DOCK11: variants seen among roughly 807,000 people sequenced by gnomAD.
The protein encoded by DOCK11 is dedicator of cytokinesis 11.
A neutral mutation model predicts 169.1 loss-of-function variants in DOCK11; 70 were observed. That is an observed-to-expected ratio of 0.41 (90% CI 0.34 to 0.51). DOCK11 has a LOEUF of 0.51. Among genes scored for constraint, DOCK11 ranks in the 20% least tolerant of loss-of-function variants. DOCK11 has a pLI of 0.10. For synonymous variants in DOCK11, 529 were observed against 541.3 expected (o/e 0.98, Z 0.32); for missense variants, 1,166 against 1,538.8 (o/e 0.76, Z 4.05).
At chrX:118,579,167 A>G (rs1332850494) in intron 13 of DOCK11, among the ~76,000 whole-genome samples, 2 of 112,515 alleles carry the variant, frequency 1.8e-5, no homozygotes, top group African/African-American at 6.5e-5. Flanking sequence ...TCTTCCTTTC[A>G]TGAAATGTTG....
intron 37 of DOCK11, 59 bp downstream of exon 37, chrX:118,638,186 T>G: frequency 9.2e-7 from 1 of 1,084,531 alleles, no homozygotes; most frequent in Non-Finnish European, 1.3e-6. Flanking sequence ...GAGGGCAATC[T>G]TAGTCATGCC....
chrX:118,615,841 C>T (rs1033134649), intron 30 of DOCK11, 130 bp downstream of exon 30: 2 of 511,970 alleles, frequency 3.9e-6, no homozygotes, highest in Non-Finnish European at 6.5e-6. Flanking sequence ...TATCTGAAGT[C>T]CATTAATGTT....
At chrX:118,543,964 C>T (rs2012142821) in intron 4 of DOCK11, among the ~76,000 whole-genome samples, 1 of 111,857 alleles carries the variant, frequency 8.9e-6, no homozygotes, top group Non-Finnish European at 1.9e-5. Context: ...CAAACAAACA[C>T]CACTTGTGAA....
At position 118,545,306 on chromosome X, in the gene DOCK11, T is replaced by TTTTAG; in HGVS notation, c.393-16_393-15insTTAGT. On this transcript the variant is annotated splice_polypyrimidine_tract_variant and intron_variant, in intron 4 of 52. Coordinates refer to ENST00000276202, the MANE Select transcript of DOCK11 (RefSeq NM_144658.4). ...TTGGTCTTTTTAGTGTCTAAGACAG[T>TTTTAG]TCTCTTATATTTGCAGTAAATCTTT... The TTTTAG allele has an allele frequency of 8.6e-7, 1 of 1,159,304 alleles. No individual in the cohort carries two copies. Among genetic ancestry groups the TTTTAG allele is most frequent in the Non-Finnish European group, 1.2e-6 (1 of 858,279 alleles).
chrX:118,681,606 G>T, intron 50 of DOCK11, 88 bp from the exon 51 acceptor site: 4 of 655,996 alleles, frequency 6.1e-6, no homozygotes, highest in Non-Finnish European at 8.8e-6. Context: ...GTATATTTTG[G>T]GATTTTTAAT....
intron 19 of DOCK11, among the ~76,000 whole-genome samples, chrX:118,592,816 G>C (rs762952053): frequency 1.7e-4 from 19 of 112,327 alleles, no homozygotes; most frequent in Non-Finnish European, 3.2e-4. Context: ...ATGCAAAAGA[G>C]AGCAACAACT....
At chrX:118,643,660 T>C in intron 40 of DOCK11, 66 bp downstream of exon 40, 1 of 1,124,735 alleles carries the variant, frequency 8.9e-7, no homozygotes, top group Admixed American at 2.5e-5. Flanking sequence ...GATGGGACAA[T>C]GGGGGTCATT....
At chrX:118,589,950 C>T (rs1291889983) in intron 18 of DOCK11, among the ~76,000 whole-genome samples, 2 of 112,353 alleles carry the variant, frequency 1.8e-5, no homozygotes, top group Non-Finnish European at 3.8e-5. Context: ...CTGTTCAGCT[C>T]CTTACTGTCA....
rs112113377 is a variant in DOCK11 at position 118,561,496 on chromosome X, C to T, written c.672C>T (p.Asp224=). The T allele has an allele frequency of 8.8e-4, 1,050 of 1,198,656 alleles. 9 individuals carry two copies. In the East Asian group the frequency reaches 0.014, roughly 17 times the overall value. The change falls in exon 7 of 53, where the codon GAC becomes GAT. Residue 224 remains aspartate (D), a synonymous_variant. Transcript: ENST00000276202. ...AATCGAAAGGTTGCATCTACTTGGA[C>T]GCCTGCATTGATGTTGTTCAGGTAA... is the stretch of plus-strand genomic sequence containing the variant. ...SKESKGCIYL[D]ACIDVVQCPK...
chrX:118,573,711 C>T (rs2013353376), intron 11 of DOCK11, 95 bp from the exon 12 acceptor site: 2 of 650,012 alleles, frequency 3.1e-6, no homozygotes, highest in Non-Finnish European at 4.8e-6. Flanking sequence ...ATCACAGAAA[C>T]TGGAGGAATA....
At chrX:118,662,076 A>G (rs1260649432) in intron 44 of DOCK11, among the ~76,000 whole-genome samples, 1 of 112,371 alleles carries the variant, frequency 8.9e-6, no homozygotes, top group Non-Finnish European at 1.9e-5. Flanking sequence ...TTATAGTCCC[A>G]GGGAGATAAA....
chrX:118,657,803 A>G (rs1157956252), intron 44 of DOCK11, among the ~76,000 whole-genome samples: 1 of 110,971 alleles, frequency 9.0e-6, no homozygotes, highest in East Asian at 2.8e-4. Flanking sequence ...TTAAAGGCAT[A>G]AGAATGATAT....
intron 6 of DOCK11, among the ~76,000 whole-genome samples, chrX:118,548,417 A>C (rs901268394): frequency 7.1e-5 from 8 of 112,158 alleles, no homozygotes; most frequent in African/African-American, 2.6e-4. Flanking sequence ...CATGGCAAAG[A>C]GGAATTAAAA....
intron 20 of DOCK11, among the ~76,000 whole-genome samples, chrX:118,596,475 A>C (rs1043395222): frequency 8.9e-6 from 1 of 112,492 alleles, no homozygotes; most frequent in African/African-American, 3.2e-5. Flanking sequence ...ACACTCACAC[A>C]CAGAGTCACA....
chrX:118,636,480 T>G (rs2015390166), intron 36 of DOCK11, 68 bp downstream of exon 36: 1 of 566,678 alleles, frequency 1.8e-6, no homozygotes, highest in Non-Finnish European at 2.6e-6. Context: ...GTTACAATTT[T>G]TTCTGTTTTT....
chrX:118,630,134 A>G (rs1029517832), intron 34 of DOCK11, among the ~76,000 whole-genome samples: 2 of 111,859 alleles, frequency 1.8e-5, no homozygotes, highest in Admixed American at 1.9e-4. Context: ...AACACATGGC[A>G]TATGAGAATG....
intron 1 of DOCK11, among the ~76,000 whole-genome samples, chrX:118,536,848 T>G (rs1469666225): frequency 2.7e-5 from 3 of 111,631 alleles, no homozygotes; most frequent in Non-Finnish European, 3.8e-5. Context: ...CACTTTGTTT[T>G]CTGTGCTGCC....
At chrX:118,645,647 GC>G (rs975557037) in intron 40 of DOCK11, among the ~76,000 whole-genome samples, 1 of 109,759 alleles carries the variant, frequency 9.1e-6, no homozygotes, top group Admixed American at 9.8e-5. Flanking sequence ...GGGTGACAGG[GC>G]AAGATTTCGT....
rs758640363 is a variant in DOCK11 at position 118,610,295 on chromosome X, C to T, written c.2973C>T (p.Pro991=). 9 of 1,209,233 alleles carry T rather than the reference C, an allele frequency of 7.4e-6. No homozygotes were observed. The highest frequency in any genetic ancestry group is 4.4e-5 in the Admixed American group (2 of 45,708). The change falls in exon 28 of 53, where the codon CCC becomes CCT. Residue 991 remains proline (P), a synonymous_variant. Transcript: ENST00000276202. The stretch of plus-strand genomic sequence containing the variant: ...AGCTTCCCCGAGGCCAGAGATTTCC[C>T]GAGACATATCATCATGTCTTACATT... The part of the protein sequence containing the change: ...KIKLPRGQRF[P]ETYHHVLHSL...
Sources: allele counts gnomAD v4.1 joint callset (sites outside exome capture counted in the v4.1 genomes callset), GRCh38; gene constraint gnomAD v4.1.1; transcripts MANE v1.5; gene names NCBI Gene and HGNC (gene_info 2026-07-23, HGNC 2026-07-21).